The following SLX4IP variants were observed in gnomAD, a reference collection of about 807,000 sequenced individuals.
The protein encoded by SLX4IP is SLX4 interacting protein.
In SLX4IP, 34 loss-of-function variants were observed where a neutral mutation model predicts 32.9. The ratio of observed to expected loss-of-function variants is 1.03; its 90% CI spans 0.79 to 1.38. The LOEUF (loss-of-function observed/expected upper bound fraction) is 1.38. Among genes scored for constraint, SLX4IP ranks in the 40% most tolerant of loss-of-function variants. The pLI is 0.00. For missense variants in SLX4IP, 444 were observed against 479.0 expected, an observed-to-expected ratio of 0.93 and a Z score of 0.68; for synonymous variants, 172 against 171.7, an observed-to-expected ratio of 1.00 and a Z score of -0.01.
intron 6 of SLX4IP, among the ~76,000 whole-genome samples, chr20:10,605,230 AC>A (rs1232896110): frequency 6.6e-6 from 1 of 152,030 alleles, no homozygotes; most frequent in Non-Finnish European, 1.5e-5. Flanking sequence ...AGTTACAGCC[AC>A]TCCTTCTAGT....
At position 10,485,814 on chromosome 20, in the gene SLX4IP, C is replaced by A. The variant is rs2065567810; in HGVS notation, c.27+27583C>A. ...TACTGTATGCTTATTATTTAGTAAA[C>A]TAGAGAAAAAAGGTTAAGAAGATCA... On this transcript the variant is annotated intron_variant, in intron 2 of 7. Coordinates refer to ENST00000334534, the MANE Select transcript of SLX4IP (RefSeq NM_001009608.3). 2.0e-5 allele frequency among the ~76,000 whole-genome samples: 3 copies of A among 151,846 alleles called. No individual in the cohort carries two copies. The South Asian group carries it at 6.2e-4, about 32-fold the overall frequency.
intron 2 of SLX4IP, among the ~76,000 whole-genome samples, chr20:10,477,495 G>C (rs2065485626): frequency 6.6e-6 from 1 of 152,128 alleles, no homozygotes; most frequent in South Asian, 2.1e-4. Context: ...TTGAACTCCT[G>C]ACCTCAGGTG....
chr20:10,519,812 T>C (rs1357032860), intron 2 of SLX4IP, among the ~76,000 whole-genome samples: 1 of 152,222 alleles, frequency 6.6e-6, no homozygotes, highest in Non-Finnish European at 1.5e-5. Flanking sequence ...GTTTTCAAAG[T>C]GACTATACCA....
chr20:10,542,891 A>T (rs2066122875), intron 2 of SLX4IP, among the ~76,000 whole-genome samples: 1 of 152,170 alleles, frequency 6.6e-6, no homozygotes, highest in South Asian at 2.1e-4. Flanking sequence ...TTGCAGTGAC[A>T]TCCACCTATT....
intron 2 of SLX4IP, among the ~76,000 whole-genome samples, chr20:10,496,498 A>G (rs1383244387): frequency 6.6e-6 from 1 of 152,206 alleles, no homozygotes; most frequent in East Asian, 1.9e-4. Context: ...AACAAAACCT[A>G]GAGGTGGACC....
In SLX4IP at chr20:10,529,540, G is replaced by A. The variant is rs541519275; in HGVS notation, c.28-26691G>A. 7.8e-5 allele frequency among the ~76,000 whole-genome samples: 10 copies of A among 127,970 alleles called. No individual in the cohort carries two copies. The East Asian group carries it at 1.4e-3, about 18-fold the overall frequency. 84.0% of individuals were successfully genotyped at this position (127,970 alleles called of 152,430 possible). ...CAGGAGGTAGAGGTTGCAGTGAGCC[G>A]ATATTGTACCACTGCACTCCAGTCT... On this transcript the variant is annotated intron_variant, in intron 2 of 7. Coordinates refer to ENST00000334534, the MANE Select transcript of SLX4IP (RefSeq NM_001009608.3).
chr20:10,576,040 G>GATTAGAATCCCTCT (rs1423560947), intron 4 of SLX4IP, among the ~76,000 whole-genome samples: 1 of 152,130 alleles, frequency 6.6e-6, no homozygotes, highest in East Asian at 1.9e-4. Context: ...TCTAACCCAA[G>GATTAGAATCCCTCT]TGTTGATTAA....
At chr20:10,613,476 C>T in intron 6 of SLX4IP, 1 of 1,602,770 alleles carries the variant, frequency 6.2e-7, no homozygotes, top group Non-Finnish European at 8.5e-7. Flanking sequence ...TTTCCCTCCT[C>T]CTTTGGAAGA....
chr20:10,527,525 C>CCATCCTG (rs1329124494), intron 2 of SLX4IP, among the ~76,000 whole-genome samples: 1 of 152,180 alleles, frequency 6.6e-6, no homozygotes, highest in African/African-American at 2.4e-5. Context: ...AAAATTTACT[C>CCATCCTG]CATCCTGTCC....
At chr20:10,592,426 A>G (rs1010645496) in intron 4 of SLX4IP, among the ~76,000 whole-genome samples, 8 of 151,804 alleles carry the variant, frequency 5.3e-5, no homozygotes, top group South Asian at 4.2e-4. Context: ...AGGCTTTTTC[A>G]TAGGCCCCAT....
chr20:10,540,477 T>C (rs774171730), intron 2 of SLX4IP, among the ~76,000 whole-genome samples: 4 of 152,220 alleles, frequency 2.6e-5, no homozygotes, highest in African/African-American at 4.8e-5. Flanking sequence ...GGAGGATACC[T>C]GGGAAATGTA....
intron 1 of SLX4IP, among the ~76,000 whole-genome samples, chr20:10,452,674 A>ATATATATATATATATATATATATAT (rs201507537): frequency 2.1e-5 from 2 of 93,774 alleles, no homozygotes; most frequent in African/African-American, 8.6e-5. Flanking sequence ...CAAAAAAAAA[A>ATATATATATATATATATATATATAT]AAAAAAATAT....
intron 2 of SLX4IP, among the ~76,000 whole-genome samples, chr20:10,482,619 T>C (rs548472013): frequency 6.6e-6 from 1 of 152,296 alleles, no homozygotes; most frequent in African/African-American, 2.4e-5. Context: ...TTACTCCTTG[T>C]TGGGGAGAGT....
intron 4 of SLX4IP, among the ~76,000 whole-genome samples, chr20:10,581,985 G>A (rs2066592299): frequency 6.6e-6 from 1 of 152,176 alleles, no homozygotes; most frequent in Non-Finnish European, 1.5e-5. Flanking sequence ...TGTAACAGCT[G>A]AAGGACAGTG....
intron 4 of SLX4IP, among the ~76,000 whole-genome samples, chr20:10,577,754 A>G (rs1272290000): frequency 6.6e-6 from 1 of 152,212 alleles, no homozygotes; most frequent in East Asian, 1.9e-4. Flanking sequence ...GAATGACAAC[A>G]ATGAAGCTTA....
At chr20:10,447,860 T>G (rs2065213798) in intron 1 of SLX4IP, among the ~76,000 whole-genome samples, 1 of 138,834 alleles carries the variant, frequency 7.2e-6, no homozygotes, top group Non-Finnish European at 1.6e-5. Flanking sequence ...GCTCCACACC[T>G]GGCTGATTTT....
chr20:10,575,352 T>C (rs1309907819), intron 4 of SLX4IP, among the ~76,000 whole-genome samples: 1 of 152,110 alleles, frequency 6.6e-6, no homozygotes, highest in Non-Finnish European at 1.5e-5. Context: ...ACTGGTTTTA[T>C]ATTGTCTGAA....
At chr20:10,608,435 G>A (rs2066928881) in intron 6 of SLX4IP, among the ~76,000 whole-genome samples, 1 of 152,130 alleles carries the variant, frequency 6.6e-6, no homozygotes, top group South Asian at 2.1e-4. Flanking sequence ...GGAGGCCGAG[G>A]CGGGCGGATC....
At chr20:10,502,925 T>TA (rs1442714264) in intron 2 of SLX4IP, among the ~76,000 whole-genome samples, 2 of 152,244 alleles carry the variant, frequency 1.3e-5, no homozygotes, top group Non-Finnish European at 2.9e-5. Context: ...TTGCCAGTAG[T>TA]ATGTTCTAGT....
Sources: gnomAD v4.1 joint callset for allele counts (sites outside exome capture counted in the v4.1 genomes callset) on GRCh38, gnomAD v4.1.1 for gene constraint, MANE v1.5 for transcripts, NCBI Gene and HGNC (gene_info 2026-07-23, HGNC 2026-07-21) for gene names.